CFAP54: variants seen among roughly 807,000 people sequenced by gnomAD.
The protein encoded by CFAP54 is cilia- and flagella-associated protein 54.
Under a neutral mutation model 370.4 loss-of-function variants are expected in CFAP54, and 290 were observed. That is an observed-to-expected ratio of 0.78 (90% confidence interval 0.71 to 0.86). CFAP54 has a LOEUF of 0.86. Ranked by LOEUF, CFAP54 falls within the 40% of genes least tolerant of loss-of-function variation. CFAP54 has a pLI of 0.00. For synonymous variants in CFAP54, 1,206 were observed against 1,236.5 expected (o/e 0.98, Z 0.52); for missense variants, 3,399 against 3,528.7 (o/e 0.96, Z 0.93).
chr12:96,494,721 G>GTTA lies in CFAP54; in HGVS notation c.317+4813_317+4815dup, dbSNP rs540519185. Among the ~76,000 whole-genome samples the GTTA allele has an allele frequency of 1.5e-3, 227 of 151,844 alleles. 2 individuals are homozygous for GTTA. In the East Asian group the frequency reaches 0.036, roughly 24 times the overall value. On this transcript the variant is annotated intron_variant, in intron 1 of 67. Transcript: ENST00000524981. Reference sequence around the variant, plus strand: ...GCTTTTATAATATATTTGACAGATGGTTATTATTATTATTATTATTTTTTG... The same window carrying GTTA: ...GCTTTTATAATATATTTGACAGATGGTTATTATTATTATTATTATTATTTTTTG...
At chr12:96,811,704 C>A in intron 63 of CFAP54, 32 bp from the exon 64 acceptor site, 2 of 1,166,720 alleles carry the variant, frequency 1.7e-6, no homozygotes, top group South Asian at 1.5e-5. Flanking sequence ...ATTTTGATGT[C>A]ACATTTTATA....
chr12:96,728,450 T>G (rs1236757974), intron 50 of CFAP54, among the ~76,000 whole-genome samples: 1 of 152,224 alleles, frequency 6.6e-6, no homozygotes, highest in African/African-American at 2.4e-5. Context: ...CTGATACCCT[T>G]TCTTCCAGTT....
intron 50 of CFAP54, among the ~76,000 whole-genome samples, chr12:96,722,364 C>T (rs1470764698): frequency 6.6e-6 from 1 of 151,904 alleles, no homozygotes; most frequent in Non-Finnish European, 1.5e-5. Flanking sequence ...GAACAAAGTA[C>T]TTAAATGAGA....
At chr12:96,729,377 G>A (rs1957887072) in intron 50 of CFAP54, among the ~76,000 whole-genome samples, 1 of 152,240 alleles carries the variant, frequency 6.6e-6, no homozygotes, top group Admixed American at 6.5e-5. Context: ...AGCAAGCCTG[G>A]GCAATGGCGG....
At position 96,564,685 on chromosome 12, in the gene CFAP54, A is replaced by G. The variant is rs958002826; in HGVS notation, c.2539A>G (p.Lys847Glu). Reference protein sequence around the residue: ...MNKIKKNTLSKAIYLMQKALL... With the variant: ...MNKIKKNTLSEAIYLMQKALL... ...TAAAATAAAGAAGAATACATTATCCAAAGCAATTTACTTAATGCAGAAAGC... is the reference window on the plus strand; with the variant it reads ...TAAAATAAAGAAGAATACATTATCCGAAGCAATTTACTTAATGCAGAAAGC... Residue 847 changes from lysine to glutamate, a missense_variant, in exon 19 of 68, where the codon AAA becomes GAA. By Grantham distance (56) the Lys-to-Glu change is moderately conservative. Transcript: ENST00000524981. 1.6e-6 allele frequency: 1 copy of G among 638,370 alleles called. No homozygotes were observed. Among genetic ancestry groups the G allele is most frequent in the African/African-American group, 1.8e-5 (1 of 54,060 alleles). 39.5% of individuals were successfully genotyped at this position (638,370 alleles called of 1,614,324 possible).
chr12:96,572,840 G>A, intron 19 of CFAP54: 1 of 984,786 alleles, frequency 1.0e-6, no homozygotes, highest in Non-Finnish European at 1.2e-6. Flanking sequence ...CTGATCAACA[G>A]CCCAGTTGAG....
intron 48 of CFAP54, among the ~76,000 whole-genome samples, chr12:96,713,652 C>A (rs954544417): frequency 6.6e-6 from 1 of 151,920 alleles, no homozygotes; most frequent in Non-Finnish European, 1.5e-5. Context: ...TACATGGTAA[C>A]AAGTGCTTTG....
chr12:96,545,335 G>A (rs12578502), intron 14 of CFAP54, among the ~76,000 whole-genome samples: 4 of 151,968 alleles, frequency 2.6e-5, no homozygotes, highest in African/African-American at 7.3e-5. Flanking sequence ...ACCATGGCAC[G>A]TGTATACCTG....
At chr12:96,766,787 A>G (rs1199270625) in intron 60 of CFAP54, among the ~76,000 whole-genome samples, 2 of 152,114 alleles carry the variant, frequency 1.3e-5, no homozygotes, top group Non-Finnish European at 2.9e-5. Context: ...ACTTTACCCT[A>G]GTCATTTCCT....
intron 39 of CFAP54, among the ~76,000 whole-genome samples, chr12:96,671,984 A>G (rs555537968): frequency 1.3e-5 from 2 of 149,736 alleles, no homozygotes; most frequent in East Asian, 1.9e-4. Flanking sequence ...GAGAGAGAGA[A>G]AGAAAGAAAG....
chr12:96,786,818 G>C lies in CFAP54; in HGVS notation c.8599G>C (p.Asp2867His). ...FLQLYSSSCI[D>H]EFPKELLCQL... ...ACAGCTGTATTCTTCTTCTTGTATTGATGAATTTCCAAAAGAACTTCTTTG... is the reference window on the plus strand; with the variant it reads ...ACAGCTGTATTCTTCTTCTTGTATTCATGAATTTCCAAAAGAACTTCTTTG... Residue 2867 changes from aspartate (D) to histidine (H), a missense_variant, in exon 62 of 68, where the codon GAT becomes CAT. Physicochemically the swap from Asp to His is moderately conservative, Grantham distance 81. This residue lies in a region of CFAP54 where 2,796 missense variants were observed against 2,869.7 expected (regional missense o/e 0.97). Coordinates refer to ENST00000524981, the MANE Select transcript of CFAP54 (RefSeq NM_001306084.2). The C allele has an allele frequency of 3.3e-6, 5 of 1,535,532 alleles. No individual in the cohort carries two copies. Among genetic ancestry groups the C allele is most frequent in the Non-Finnish European group, 4.4e-6 (5 of 1,146,654 alleles).
intron 63 of CFAP54, among the ~76,000 whole-genome samples, chr12:96,805,041 T>G (rs943330524): frequency 6.6e-6 from 1 of 152,056 alleles, no homozygotes; most frequent in African/African-American, 2.4e-5. Context: ...TGGATAGCCA[T>G]TTGCAGAAGA....
intron 4 of CFAP54, 102 bp from the exon 5 acceptor site, chr12:96,512,884 A>T: frequency 1.7e-6 from 1 of 601,546 alleles, no homozygotes; most frequent in South Asian, 3.0e-5. Context: ...TCCTCATAAG[A>T]TCACTTGTTT....
chr12:96,831,842 C>A (rs1455485660), intron 66 of CFAP54, among the ~76,000 whole-genome samples: 2 of 152,134 alleles, frequency 1.3e-5, no homozygotes, highest in African/African-American at 4.8e-5. Context: ...TTCACTTATT[C>A]ATTTGGCCAT....
intron 42 of CFAP54, among the ~76,000 whole-genome samples, chr12:96,686,968 T>C (rs138047988): frequency 1.3e-5 from 2 of 152,344 alleles, no homozygotes; most frequent in Non-Finnish European, 2.9e-5. Flanking sequence ...AAGTGTGTCA[T>C]CAGGGCTGTG....
chr12:96,637,041 A>AC (rs1450204004), intron 32 of CFAP54, among the ~76,000 whole-genome samples: 4 of 151,684 alleles, frequency 2.6e-5, no homozygotes, highest in Non-Finnish European at 5.9e-5. Context: ...CTTAACTATC[A>AC]CTCCCTCACA....
At chr12:96,838,752 GAC>G (rs531890493) in intron 66 of CFAP54, among the ~76,000 whole-genome samples, 230 of 152,290 alleles carry the variant, frequency 1.5e-3, no homozygotes, top group African/African-American at 5.4e-3. Flanking sequence ...AGATGGGAAA[GAC>G]AGAGTCCTTG....
chr12:96,869,521 G>C (rs1024987259), intron 67 of CFAP54, among the ~76,000 whole-genome samples: 3 of 152,194 alleles, frequency 2.0e-5, no homozygotes, highest in Non-Finnish European at 4.4e-5. Context: ...CAGGAGCTGA[G>C]TCGATATGGG....
chr12:96,752,848 G>A (rs912144336), intron 55 of CFAP54, among the ~76,000 whole-genome samples: 1 of 152,214 alleles, frequency 6.6e-6, no homozygotes, highest in Non-Finnish European at 1.5e-5. Context: ...GTGGGCCCTG[G>A]AGCCAGACTG....
Sources: allele counts gnomAD v4.1 joint callset (sites outside exome capture counted in the v4.1 genomes callset), GRCh38; gene constraint gnomAD v4.1.1; regional missense constraint gnomAD v4.1.1; transcripts MANE v1.5; gene names NCBI Gene and HGNC (gene_info 2026-07-23, HGNC 2026-07-21).